The following SEMA4D variants were observed in gnomAD, a reference collection of about 807,000 sequenced individuals.
SEMA4D encodes the protein semaphorin 4D.
A neutral mutation model predicts 74.8 loss-of-function variants in SEMA4D; 22 were observed. That is an observed-to-expected ratio of 0.29 (90% CI 0.21 to 0.42). The LOEUF (loss-of-function observed/expected upper bound fraction) is 0.42, where lower values mean the gene tolerates loss of function less well. Ranked by LOEUF, SEMA4D falls within the 10% of genes least tolerant of loss-of-function variation. SEMA4D has a pLI of 1.00. For missense variants in SEMA4D, 937 were observed against 1,118.4 expected, an observed-to-expected ratio of 0.84 and a Z score of 2.31; for synonymous variants, 445 against 463.7, an observed-to-expected ratio of 0.96 and a Z score of 0.52.
intron 18 of SEMA4D, chr9:89,362,534 C>T (rs1832855202): frequency 3.8e-6 from 6 of 1,592,508 alleles, no homozygotes; most frequent in African/African-American, 1.3e-5. Context: ...CACTCAAGGC[C>T]TCAGCCCCCT....
At chr9:89,403,358 T>G (rs1182868683) in intron 3 of SEMA4D, among the ~76,000 whole-genome samples, 1 of 152,200 alleles carries the variant, frequency 6.6e-6, no homozygotes, top group Non-Finnish European at 1.5e-5. Flanking sequence ...GCCAGATGCT[T>G]CCTGTGATGG....
At chr9:89,405,833 GA>G in intron 2 of SEMA4D, 134 bp from the exon 3 acceptor site, 1 of 1,289,858 alleles carries the variant, frequency 7.8e-7, no homozygotes, top group South Asian at 2.8e-5. Context: ...GGCAGCGGGG[GA>G]CAAAGAGAGT....
At position 89,381,222 on chromosome 9, in the gene SEMA4D, G is replaced by A. The variant is rs758081681; in HGVS notation, c.1571C>T (p.Pro524Leu). Residue 524 changes from proline (P) to leucine (L), a missense_variant, in exon 14 of 16, where the codon CCG (proline) becomes CTG (leucine). Pro to Leu is a moderately conservative substitution (Grantham distance 98). Transcript: ENST00000422704. This position sits in a 1 kb window ranked among gnomAD's most constrained non-coding sequence, Gnocchi z 4.6. Reference sequence around the variant, plus strand: ...CAGAGCCACGCAGGTCGCTGTGGGCGGGCTCCAGGCGCAGTAGGGGTCCCG... The same window carrying A: ...CAGAGCCACGCAGGTCGCTGTGGGCAGGCTCCAGGCGCAGTAGGGGTCCCG... ...LARDPYCAWS[P>L]PTATCVALHQ... 70 of 1,607,986 alleles carry A rather than the reference G, an allele frequency of 4.4e-5. No homozygotes were observed. The highest frequency in any genetic ancestry group is 5.2e-5 in the Non-Finnish European group (61 of 1,175,288).
rs780457676 is a variant in SEMA4D, at chr9:89,405,394, C to T, written c.63G>A (p.Ala21=). 2.5e-5 allele frequency: 40 copies of T among 1,614,150 alleles called. No individual in the cohort carries two copies. The East Asian group carries it at 3.1e-4, about 13-fold the overall frequency. The change falls in exon 3 of 16, where the codon GCG becomes GCA. Residue 21 remains alanine, a synonymous_variant. Transcript: ENST00000422704. ...LMALAVMFGT[A]MAFAPIPRIT... ...TCCGGGGTATGGGTGCAAATGCCAT[C>T]GCTGTCCCAAACATCACTGCAAGGG...
intron 16 of SEMA4D, chr9:89,369,057 C>T (rs995983507): frequency 2.0e-5 from 3 of 152,264 alleles, no homozygotes; most frequent in African/African-American, 4.8e-5. Flanking sequence ...CGAAGGACCT[C>T]AGAGCACAGG....
At position 89,396,868 on chromosome 9, in the gene SEMA4D, G is replaced by A. The variant is rs201322045; in HGVS notation, c.316-33C>T. 9.1e-5 allele frequency: 143 copies of A among 1,575,838 alleles called. No individual in the cohort carries two copies. In the East Asian group the frequency reaches 2.8e-3, roughly 31 times the overall value. Reference sequence around the variant, plus strand: ...GAAGAGAAATGCACCATTAGCAACCGTCCAGCCCAGATGCCCTCCACTATT... The same window carrying A: ...GAAGAGAAATGCACCATTAGCAACCATCCAGCCCAGATGCCCTCCACTATT... On this transcript the variant is annotated intron_variant, in intron 5 of 15. Transcript: ENST00000422704.
In SEMA4D at chr9:89,394,705, A is replaced by G. The variant is rs150304833; in HGVS notation, c.415-1050T>C. Among the ~76,000 whole-genome samples, 348 of 152,260 alleles carry G rather than the reference A, an allele frequency of 2.3e-3. 2 individuals are homozygous for G. Among genetic ancestry groups the G allele is most frequent in the Admixed American group, 4.1e-3 (63 of 15,306 alleles). ...GACCACGTGGAAGGCCGCAGCTGACACCCTTGAAAGGCCAGTTAAAGCAGC... is the reference window on the plus strand; with the variant it reads ...GACCACGTGGAAGGCCGCAGCTGACGCCCTTGAAAGGCCAGTTAAAGCAGC... On this transcript the variant is annotated intron_variant, in intron 6 of 15. Transcript: ENST00000422704.
intron 2 of SEMA4D, among the ~76,000 whole-genome samples, chr9:89,437,545 C>T (rs191823220): frequency 6.6e-6 from 1 of 152,326 alleles, no homozygotes; most frequent in Non-Finnish European, 1.5e-5. Flanking sequence ...CCCACTGCTG[C>T]GGTGCGCCCT....
intron 2 of SEMA4D, among the ~76,000 whole-genome samples, chr9:89,441,825 CT>C (rs1851733902): frequency 1.3e-5 from 2 of 152,242 alleles, no homozygotes; most frequent in African/African-American, 4.8e-5. Context: ...TAAACTTCAG[CT>C]TCTGATCTAA....
chr9:89,452,154 C>A lies in SEMA4D; in HGVS notation c.-244+3734G>T, dbSNP rs187195998. Among the ~76,000 whole-genome samples, 396 of 151,316 alleles carry A rather than the reference C, an allele frequency of 2.6e-3. 5 individuals carry two copies. The highest frequency in any genetic ancestry group is 2.2e-3 in the Non-Finnish European group (152 of 67,896). ...CAGAGGCAGCTGGATGGTGCTAGTACCCTCTATGTCCTGTCTTGGTTTTTT... is the reference window on the plus strand; with the variant it reads ...CAGAGGCAGCTGGATGGTGCTAGTAACCTCTATGTCCTGTCTTGGTTTTTT... On this transcript the variant is annotated intron_variant, in intron 2 of 15. Coordinates refer to ENST00000422704, the MANE Select transcript of SEMA4D (RefSeq NM_001371194.2).
At chr9:89,392,232 C>G (rs553921411) in intron 8 of SEMA4D, among the ~76,000 whole-genome samples, 191 bp downstream of exon 8, 20 of 152,264 alleles carry the variant, frequency 1.3e-4, no homozygotes, top group Middle Eastern at 6.8e-3. Context: ...ACTCTGTTAC[C>G]AGTGAAAACA....
intron 1 of SEMA4D, among the ~76,000 whole-genome samples, chr9:89,477,380 T>C (rs1862038134): frequency 6.6e-6 from 1 of 152,110 alleles, no homozygotes; most frequent in Non-Finnish European, 1.5e-5. Context: ...GCTCCACCAT[T>C]CACAGGGGCC....
chr9:89,413,079 G>T (rs1241218614), intron 2 of SEMA4D, among the ~76,000 whole-genome samples: 1 of 152,186 alleles, frequency 6.6e-6, no homozygotes, highest in Non-Finnish European at 1.5e-5. Context: ...TATCCCGCTG[G>T]GAGCTGAGCT....
chr9:89,393,085 C>A (rs1366455844), intron 7 of SEMA4D, among the ~76,000 whole-genome samples: 1 of 152,208 alleles, frequency 6.6e-6, no homozygotes, highest in Non-Finnish European at 1.5e-5. Context: ...GGTGTGCTCT[C>A]ACTTTGATGG....
intron 2 of SEMA4D, among the ~76,000 whole-genome samples, chr9:89,452,138 C>T (rs1332669580): frequency 1.3e-5 from 2 of 151,354 alleles, no homozygotes; most frequent in Non-Finnish European, 2.9e-5. Flanking sequence ...CCAGAGGCAG[C>T]TGGATGGTGC....
intron 1 of SEMA4D, among the ~76,000 whole-genome samples, chr9:89,487,881 C>T (rs1292185422): frequency 6.6e-6 from 1 of 152,192 alleles, no homozygotes; most frequent in African/African-American, 2.4e-5. Context: ...AGATTCCATG[C>T]TCATTGGTCA....
intron 2 of SEMA4D, among the ~76,000 whole-genome samples, chr9:89,437,013 G>C (rs554432615): frequency 6.6e-6 from 1 of 152,216 alleles, no homozygotes; most frequent in Non-Finnish European, 1.5e-5. Flanking sequence ...CAGGAATCAC[G>C]AAGACAGCTC....
chr9:89,496,735 C>T (rs1227143441), intron 1 of SEMA4D, among the ~76,000 whole-genome samples: 2 of 152,232 alleles, frequency 1.3e-5, no homozygotes, highest in Non-Finnish European at 2.9e-5. Flanking sequence ...GTTTCTGGGA[C>T]ACAGTAAACA....
intron 2 of SEMA4D, chr9:89,449,634 G>T: frequency 7.6e-7 from 1 of 1,320,298 alleles, no homozygotes; most frequent in Non-Finnish European, 1.1e-6. Context: ...ATGGGGGGGT[G>T]ACATTGCCAA....
Sources: allele counts gnomAD v4.1 joint callset (sites outside exome capture counted in the v4.1 genomes callset), GRCh38; gene constraint gnomAD v4.1.1; non-coding constraint Gnocchi (gnomAD v3.1); transcripts MANE v1.5; gene names NCBI Gene and HGNC (gene_info 2026-07-23, HGNC 2026-07-21).